ERGIC2: variants seen among roughly 807,000 people sequenced by gnomAD.
ERGIC2 encodes ERGIC and golgi 2.
In ERGIC2, 31 loss-of-function variants were observed where a neutral mutation model predicts 52.5. The ratio of observed to expected loss-of-function variants is 0.59; its 90% CI spans 0.44 to 0.80. ERGIC2 has a LOEUF of 0.80. ERGIC2 is among the 30% of genes least tolerant of loss of function. The pLI, the probability that ERGIC2 is intolerant of heterozygous loss-of-function variation, is 0.00. For missense variants in ERGIC2, 395 were observed against 455.2 expected, an observed-to-expected ratio of 0.87 and a Z score of 1.20; for synonymous variants, 129 against 140.6, an observed-to-expected ratio of 0.92 and a Z score of 0.58.
chr12:29,380,964 G>A (rs1191611553), intron 1 of ERGIC2, 151 bp downstream of exon 1: 1 of 152,262 alleles, frequency 6.6e-6, no homozygotes, highest in Non-Finnish European at 1.5e-5. Context: ...GGGAGGTGGA[G>A]CGGCTTCTCC....
chr12:29,344,390 A>G (rs1336101926), intron 11 of ERGIC2, among the ~76,000 whole-genome samples: 1 of 152,074 alleles, frequency 6.6e-6, no homozygotes, highest in Non-Finnish European at 1.5e-5. Context: ...ATGTTTGCCT[A>G]TTTTCCCCAA....
At chr12:29,348,867 T>C (rs1297303824) in intron 10 of ERGIC2, among the ~76,000 whole-genome samples, 2 of 151,984 alleles carry the variant, frequency 1.3e-5, no homozygotes, top group African/African-American at 4.8e-5. Flanking sequence ...ATCTTTTAAC[T>C]TGAATTTCTT....
chr12:29,376,492 A>C (rs944618870), intron 1 of ERGIC2, among the ~76,000 whole-genome samples: 2 of 152,136 alleles, frequency 1.3e-5, no homozygotes, highest in African/African-American at 4.8e-5. Context: ...TTACCATGTA[A>C]GCTTAACAGC....
chr12:29,346,801 C>T (rs979308256), intron 10 of ERGIC2, among the ~76,000 whole-genome samples: 27 of 152,116 alleles, frequency 1.8e-4, no homozygotes, highest in African/African-American at 6.0e-4. Flanking sequence ...TAAACAATTA[C>T]CCATTCACAT....
At chr12:29,371,501 G>C (rs749473547) in intron 2 of ERGIC2, 27 bp downstream of exon 2, 1 of 1,447,964 alleles carries the variant, frequency 6.9e-7, no homozygotes, top group East Asian at 2.4e-5. Context: ...ACTTACTACA[G>C]AACTTTTAAT....
Position 29,339,774 on chromosome 12 carries a change from T to C in ERGIC2, c.*1382A>G, listed in dbSNP as rs960678628. 1.3e-5 allele frequency: 2 copies of C among 152,174 alleles called. No individual in the cohort carries two copies. Among genetic ancestry groups the C allele is most frequent in the African/African-American group, 4.8e-5 (2 of 41,452 alleles). 9.4% of individuals were successfully genotyped at this position (152,174 alleles called of 1,614,324 possible). A position where few individuals can be genotyped will look rare whatever the true frequency, so the allele number is the denominator to read the frequency against. On this transcript the variant is annotated 3_prime_UTR_variant, in exon 14 of 14. Coordinates refer to ENST00000360150, the MANE Select transcript of ERGIC2 (RefSeq NM_016570.3). ...TAAATTTATCTTTAAAAAAATCCAT[T>C]TGAAAAACTGTTACTTGTGATATCC...
At position 29,357,615 on chromosome 12, in the gene ERGIC2, G is replaced by A. The variant is rs749076382; in HGVS notation, c.476+8C>T. ...TAAACAGTTGCACATTTAAAATACAGATCTCACCTTGGTGGAAGAGCTGTT... is the reference window on the plus strand; with the variant it reads ...TAAACAGTTGCACATTTAAAATACAAATCTCACCTTGGTGGAAGAGCTGTT... On this transcript the variant is annotated splice_region_variant and intron_variant, in intron 7 of 13. Transcript: ENST00000360150. 2 of 1,410,964 alleles carry A rather than the reference G, an allele frequency of 1.4e-6. No homozygotes were observed. The highest frequency in any genetic ancestry group is 2.0e-6 in the Non-Finnish European group (2 of 999,322). The allele number at this position is 1,410,964 out of a possible 1,614,324, so 87.4% of individuals were successfully genotyped here.
chr12:29,366,325 T>C (rs955770496), intron 5 of ERGIC2, among the ~76,000 whole-genome samples: 1 of 151,890 alleles, frequency 6.6e-6, no homozygotes, highest in Non-Finnish European at 1.5e-5. Context: ...TATATTCAAC[T>C]TGTGCTCTGA....
At chr12:29,380,508 C>T (rs1940573273) in intron 1 of ERGIC2, 1 of 152,138 alleles carries the variant, frequency 6.6e-6, no homozygotes, top group South Asian at 2.1e-4. Flanking sequence ...AGGCTATTCT[C>T]CACCACGAGT....
At chr12:29,357,837 A>G (rs1940230036) in intron 6 of ERGIC2, 113 bp from the exon 7 acceptor site, 1 of 707,136 alleles carries the variant, frequency 1.4e-6, no homozygotes, top group Non-Finnish European at 2.5e-6. Context: ...TTATTATTAC[A>G]GGATTTCATA....
In ERGIC2 at chr12:29,341,047, T is replaced by C. The variant is rs994347671; in HGVS notation, c.*109A>G. The C allele has an allele frequency of 4.5e-5, 36 of 799,180 alleles. No individual in the cohort carries two copies. The African/African-American group carries it at 5.5e-4, about 12-fold the overall frequency. 49.5% of individuals were successfully genotyped at this position (799,180 alleles called of 1,614,324 possible). On this transcript the variant is annotated 3_prime_UTR_variant, in exon 14 of 14. Transcript: ENST00000360150. ...TTTTCTTTTTTAAAATAAGTATGTT[T>C]TCTGCTTATTTGTGTTTTCTTTTCT...
chr12:29,373,175 T>C (rs933298941), intron 1 of ERGIC2, among the ~76,000 whole-genome samples: 1 of 152,164 alleles, frequency 6.6e-6, no homozygotes, highest in Non-Finnish European at 1.5e-5. Context: ...AGATTTCCCA[T>C]GTTATCTATT....
intron 2 of ERGIC2, 143 bp downstream of exon 2, chr12:29,371,385 G>C: frequency 3.7e-6 from 2 of 547,354 alleles, no homozygotes; most frequent in Admixed American, 3.6e-5. Flanking sequence ...AGCCAACAGA[G>C]TGGCATGAAG....
At chr12:29,344,703 T>G (rs1487937275) in intron 11 of ERGIC2, among the ~76,000 whole-genome samples, 1 of 151,864 alleles carries the variant, frequency 6.6e-6, no homozygotes, top group African/African-American at 2.4e-5. Flanking sequence ...GAGGGCATGG[T>G]CATCATGAGT....
At chr12:29,342,434 TATTC>T (rs1949846438) in intron 12 of ERGIC2, among the ~76,000 whole-genome samples, 1 of 152,252 alleles carries the variant, frequency 6.6e-6, no homozygotes. Context: ...AAAGAAAAGC[TATTC>T]ATTCATTTAA....
intron 1 of ERGIC2, 88 bp from the exon 2 acceptor site, chr12:29,371,758 T>C (rs557472858): frequency 3.3e-6 from 2 of 610,800 alleles, no homozygotes; most frequent in Non-Finnish European, 5.6e-6. Context: ...CAAATGTCCT[T>C]AAAACAACTT....
rs1292186979 is a variant in ERGIC2 at position 29,361,639 on chromosome 12, T to G, written c.374+6A>C. The G allele has an allele frequency of 6.2e-7, 1 of 1,604,792 alleles. No homozygotes were observed. On this transcript the variant is annotated splice_donor_region_variant and intron_variant, in intron 6 of 13. Coordinates refer to ENST00000360150, the MANE Select transcript of ERGIC2 (RefSeq NM_016570.3). ...TATGGACCACAATACTTTGTTCTCTTATTACCTCTGCCACTCTTTCTGCTG... is the reference window on the plus strand; with the variant it reads ...TATGGACCACAATACTTTGTTCTCTGATTACCTCTGCCACTCTTTCTGCTG...
At chr12:29,347,610 A>G (rs189268455) in intron 10 of ERGIC2, among the ~76,000 whole-genome samples, 2 of 152,290 alleles carry the variant, frequency 1.3e-5, no homozygotes, top group East Asian at 3.9e-4. Context: ...GACTATGTCT[A>G]CCTTGTTTAT....
intron 4 of ERGIC2, 103 bp downstream of exon 4, chr12:29,368,138 T>G: frequency 1.4e-6 from 1 of 740,212 alleles, no homozygotes; most frequent in Non-Finnish European, 2.3e-6. Context: ...CTTTAAAATA[T>G]TATAAAGGAA....
Sources: allele counts gnomAD v4.1 joint callset (sites outside exome capture counted in the v4.1 genomes callset), GRCh38; gene constraint gnomAD v4.1.1; transcripts MANE v1.5; gene names NCBI Gene and HGNC (gene_info 2026-07-23, HGNC 2026-07-21).